ZFAND3: variants seen among roughly 807,000 people sequenced by gnomAD.
ZFAND3 encodes zinc finger AN1-type containing 3.
A neutral mutation model predicts 29.6 loss-of-function variants in ZFAND3; 10 were observed. That is an observed-to-expected ratio of 0.34 (90% CI 0.21 to 0.57). The LOEUF (loss-of-function observed/expected upper bound fraction) is 0.57, where lower values mean the gene tolerates loss of function less well. Ranked by LOEUF, ZFAND3 falls within the 20% of genes least tolerant of loss-of-function variation. The pLI, the probability that ZFAND3 is intolerant of heterozygous loss-of-function variation, is 0.86. For synonymous variants in ZFAND3, 128 were observed against 112.6 expected (o/e 1.14, Z -0.87); for missense variants, 230 against 304.5 (o/e 0.76, Z 1.82).
intron 4 of ZFAND3, among the ~76,000 whole-genome samples, chr6:38,097,794 G>T (rs781608162): frequency 6.6e-6 from 1 of 152,170 alleles, no homozygotes; most frequent in Non-Finnish European, 1.5e-5. Context: ...AGGGAGTGTA[G>T]AGGAAAGTGA....
chr6:38,007,609 T>C (rs939299947), intron 2 of ZFAND3, among the ~76,000 whole-genome samples: 4 of 152,192 alleles, frequency 2.6e-5, no homozygotes, highest in Admixed American at 6.5e-5. Context: ...CAAGTAGTTA[T>C]AATTAACTTG....
intron 1 of ZFAND3, among the ~76,000 whole-genome samples, chr6:37,923,870 A>G (rs760522209): frequency 2.0e-5 from 3 of 152,252 alleles, no homozygotes; most frequent in Non-Finnish European, 2.9e-5. Context: ...ACCTGTGAAC[A>G]TACCATACAA....
intron 1 of ZFAND3, among the ~76,000 whole-genome samples, chr6:37,865,949 T>C (rs1163542192): frequency 6.6e-6 from 1 of 152,228 alleles, no homozygotes; most frequent in Non-Finnish European, 1.5e-5. Context: ...ATTTCTGGTC[T>C]GTGTGCCCTA....
rs1026065503 is a variant in ZFAND3, at chr6:38,144,094, C to T, written c.530-8141C>T. On this transcript the variant is annotated intron_variant, in intron 5 of 5. Coordinates refer to ENST00000287218, the MANE Select transcript of ZFAND3 (RefSeq NM_021943.3). ...CCTTGTAACCACCTGCTGTTCCCAA[C>T]GTGTACTTACATATGAGCTATGAGG... 1.4e-4 allele frequency among the ~76,000 whole-genome samples: 21 copies of T among 148,760 alleles called. 1 individual carries two copies. The highest frequency in any genetic ancestry group is 4.7e-4 in the Admixed American group (7 of 14,888).
intron 1 of ZFAND3, among the ~76,000 whole-genome samples, chr6:37,882,075 G>A (rs529031516): frequency 5.8e-4 from 89 of 152,214 alleles, no homozygotes; most frequent in African/African-American, 2.0e-3. Context: ...AGTATGTCTC[G>A]TGCAAAGATA....
intron 2 of ZFAND3, among the ~76,000 whole-genome samples, chr6:38,041,290 AG>A (rs1171945709): frequency 6.6e-6 from 1 of 152,204 alleles, no homozygotes; most frequent in Admixed American, 6.5e-5. Context: ...CTAATTAGTA[AG>A]AAATTGTGGA....
chr6:37,899,784 A>G (rs1183858588), intron 1 of ZFAND3, among the ~76,000 whole-genome samples: 2 of 152,234 alleles, frequency 1.3e-5, no homozygotes, highest in Non-Finnish European at 2.9e-5. Context: ...AATGGTTTAC[A>G]GTGAAAAGTA....
At chr6:38,002,919 C>T (rs1358699750) in intron 2 of ZFAND3, 1 of 152,204 alleles carries the variant, frequency 6.6e-6, no homozygotes, top group Admixed American at 6.5e-5. Flanking sequence ...TTTTAAAAAG[C>T]CACATACCTT....
At chr6:37,845,614 A>G (rs547134073) in intron 1 of ZFAND3, among the ~76,000 whole-genome samples, 9 of 152,322 alleles carry the variant, frequency 5.9e-5, no homozygotes, top group African/African-American at 2.2e-4. Flanking sequence ...TGCAGCATTT[A>G]GGAAAATGGT....
At chr6:38,117,418 T>C (rs1357595854) in intron 5 of ZFAND3, among the ~76,000 whole-genome samples, 14 of 152,160 alleles carry the variant, frequency 9.2e-5, no homozygotes, top group Non-Finnish European at 4.4e-5. Context: ...TTAGAATTGC[T>C]GCACAGGGAT....
intron 2 of ZFAND3, among the ~76,000 whole-genome samples, chr6:38,022,270 A>G (rs2127447839): frequency 6.6e-6 from 1 of 152,374 alleles, no homozygotes; most frequent in African/African-American, 2.4e-5. Flanking sequence ...AGCATCTATT[A>G]TACTTTTCCT....
chr6:37,976,822 G>A (rs1297981420), intron 2 of ZFAND3, among the ~76,000 whole-genome samples: 4 of 152,020 alleles, frequency 2.6e-5, no homozygotes, highest in South Asian at 4.1e-4. Flanking sequence ...AGAACAGCAT[G>A]GGGGAAACCA....
intron 2 of ZFAND3, among the ~76,000 whole-genome samples, chr6:38,022,541 C>G (rs1763371625): frequency 6.6e-6 from 1 of 152,320 alleles, no homozygotes. Flanking sequence ...GTACCACACG[C>G]TATACAAAGT....
intron 2 of ZFAND3, among the ~76,000 whole-genome samples, chr6:37,941,476 TGGG>T (rs368199898): frequency 1.6e-4 from 24 of 152,232 alleles, no homozygotes; most frequent in African/African-American, 3.4e-4. Context: ...GCATATGTGG[TGGG>T]GGGAGTGTTT....
In ZFAND3 at chr6:37,977,771, TTTTTTG is replaced by T. The variant is rs938687284; in HGVS notation, c.112+47778_112+47783del. 1.4e-4 allele frequency among the ~76,000 whole-genome samples: 16 copies of T among 117,140 alleles called. No individual in the cohort carries two copies. In the South Asian group the frequency reaches 1.5e-3, roughly 11 times the overall value. 76.8% of individuals were successfully genotyped at this position (117,140 alleles called of 152,430 possible). ...CCCCTTTTATTTCTGGTTTGCTGAG[TTTTTTG>T]TTTTTTTTTTTTTTCAAATGAAGAA... On this transcript the variant is annotated intron_variant, in intron 2 of 5. Coordinates refer to ENST00000287218, the MANE Select transcript of ZFAND3 (RefSeq NM_021943.3).
At position 37,859,777 on chromosome 6, in the gene ZFAND3, G is replaced by A. The variant is rs191809069; in HGVS notation, c.71+39761G>A. ...TCTCCATTGTCATTTGAATTTTGAT[G>A]AATAATGATTTATTTTTCTGTCTTT... On this transcript the variant is annotated intron_variant, in intron 1 of 5. Transcript: ENST00000287218. Among the ~76,000 whole-genome samples the A allele has an allele frequency of 2.6e-3, 385 of 150,800 alleles. 2 individuals are homozygous for A. Among genetic ancestry groups the A allele is most frequent in the African/African-American group, 9.1e-3 (376 of 41,164 alleles).
intron 5 of ZFAND3, among the ~76,000 whole-genome samples, chr6:38,130,723 G>A (rs1277594889): frequency 6.6e-6 from 1 of 152,106 alleles, no homozygotes; most frequent in African/African-American, 2.4e-5. Flanking sequence ...CTAGTATTTT[G>A]TTAAGGATTT....
intron 2 of ZFAND3, among the ~76,000 whole-genome samples, chr6:37,996,364 C>T (rs1258534867): frequency 6.6e-6 from 1 of 152,100 alleles, no homozygotes; most frequent in African/African-American, 2.4e-5. Context: ...TTGTTATGTA[C>T]TTATTTCTTT....
chr6:38,069,694 G>T (rs1764414854), intron 3 of ZFAND3, among the ~76,000 whole-genome samples: 2 of 152,178 alleles, frequency 1.3e-5, no homozygotes, highest in African/African-American at 4.8e-5. Flanking sequence ...CAATGTGTGA[G>T]ATCATTAAGT....
Sources: allele counts gnomAD v4.1 joint callset (sites outside exome capture counted in the v4.1 genomes callset), GRCh38; gene constraint gnomAD v4.1.1; transcripts MANE v1.5; gene names NCBI Gene and HGNC (gene_info 2026-07-23, HGNC 2026-07-21).